CTNNA3: variants seen among roughly 807,000 people sequenced by gnomAD.
CTNNA3 encodes catenin alpha 3.
CTNNA3 carries 76 observed loss-of-function variants against 95.7 expected under a neutral mutation model. The observed-to-expected ratio is 0.79, with a 90% CI of 0.66 to 0.96. CTNNA3 has a LOEUF of 0.96. Among genes scored for constraint, CTNNA3 ranks in the 40% least tolerant of loss-of-function variants. CTNNA3 has a pLI of 0.00. For missense variants in CTNNA3, 1,191 were observed against 1,089.8 expected (o/e 1.09, Z -1.31); for synonymous variants, 431 against 374.4 (o/e 1.15, Z -1.74).
intron 7 of CTNNA3, chr10:67,097,442 A>G: frequency 3.1e-6 from 2 of 645,100 alleles, no homozygotes; most frequent in South Asian, 3.7e-5. Flanking sequence ...AGGGGGCATT[A>G]GCGGGATAAT....
At chr10:66,333,421 A>T (rs1001715467) in intron 12 of CTNNA3, among the ~76,000 whole-genome samples, 3 of 151,694 alleles carry the variant, frequency 2.0e-5, no homozygotes, top group African/African-American at 7.3e-5. Context: ...AGATTCTGGT[A>T]TGTTGTGTCT....
At position 66,769,818 on chromosome 10, in the gene CTNNA3, C is replaced by T. The variant is rs115131318; in HGVS notation, c.1129-3402G>A. The stretch of plus-strand genomic sequence containing the variant: ...CTCAGAGATCCTCAAGCTCTCATTG[C>T]CTACAGCAGCAATCTCAATAGCATA... On this transcript the variant is annotated intron_variant, in intron 8 of 17. Transcript: ENST00000433211. 4.6e-3 allele frequency among the ~76,000 whole-genome samples: 703 copies of T among 152,284 alleles called. 5 individuals are homozygous for T. Among genetic ancestry groups the T allele is most frequent in the African/African-American group, 0.017 (686 of 41,556 alleles).
intron 5 of CTNNA3, among the ~76,000 whole-genome samples, chr10:67,377,064 C>T (rs1012371128): frequency 6.6e-6 from 1 of 152,198 alleles, no homozygotes; most frequent in African/African-American, 2.4e-5. Context: ...GATAAAAGTG[C>T]TCTCTTCCTC....
intron 7 of CTNNA3, among the ~76,000 whole-genome samples, chr10:66,891,547 TA>T (rs371146311): frequency 2.4e-3 from 366 of 152,296 alleles, no homozygotes; most frequent in African/African-American, 8.3e-3. Flanking sequence ...TGTTTTATCC[TA>T]AAAAAACTAG....
chr10:67,222,628 A>T (rs1295563783), intron 5 of CTNNA3, among the ~76,000 whole-genome samples: 1 of 152,266 alleles, frequency 6.6e-6, no homozygotes, highest in East Asian at 1.9e-4. Context: ...ACCTACAGTC[A>T]TCAGTGTAAC....
chr10:66,001,474 A>G (rs577746705), intron 15 of CTNNA3, among the ~76,000 whole-genome samples: 7 of 152,296 alleles, frequency 4.6e-5, no homozygotes, highest in Non-Finnish European at 8.8e-5. Flanking sequence ...TGAAATGAAT[A>G]CAGACTTGAA....
chr10:66,422,791 G>A (rs1379381493), intron 11 of CTNNA3, among the ~76,000 whole-genome samples: 4 of 151,578 alleles, frequency 2.6e-5, no homozygotes, highest in African/African-American at 9.7e-5. Context: ...CACCACACCT[G>A]GTTAATTTTT....
chr10:67,127,152 T>G (rs76479970), intron 7 of CTNNA3, among the ~76,000 whole-genome samples: 1,669 of 152,286 alleles, frequency 0.011, 28 homozygotes, highest in African/African-American at 0.038. Flanking sequence ...TATTTAGATT[T>G]TAACCCATGT....
intron 9 of CTNNA3, among the ~76,000 whole-genome samples, chr10:66,698,886 C>T (rs1324437429): frequency 6.6e-6 from 1 of 152,134 alleles, no homozygotes; most frequent in East Asian, 1.9e-4. Context: ...CTGAGAATAT[C>T]AAGATATGAG....
intron 11 of CTNNA3, among the ~76,000 whole-genome samples, chr10:66,502,418 A>G (rs1840306831): frequency 6.6e-6 from 1 of 152,132 alleles, no homozygotes; most frequent in Non-Finnish European, 1.5e-5. Context: ...ATAGAAAATA[A>G]TCTATCTACC....
At chr10:66,503,758 C>T (rs547117206) in intron 11 of CTNNA3, among the ~76,000 whole-genome samples, 3 of 152,184 alleles carry the variant, frequency 2.0e-5, no homozygotes, top group South Asian at 2.1e-4. Flanking sequence ...TGAGCCATTG[C>T]GCCTGGCCCA....
intron 9 of CTNNA3, among the ~76,000 whole-genome samples, chr10:66,690,893 G>A (rs1286186147): frequency 1.3e-5 from 2 of 152,148 alleles, no homozygotes; most frequent in Non-Finnish European, 2.9e-5. Context: ...CTGAGGAATT[G>A]CCACACTGAC....
intron 12 of CTNNA3, among the ~76,000 whole-genome samples, chr10:66,339,202 C>A (rs1049987417): frequency 1.3e-5 from 2 of 151,828 alleles, no homozygotes; most frequent in African/African-American, 4.8e-5. Flanking sequence ...TAAAATTAAT[C>A]TCTGTTATTA....
intron 5 of CTNNA3, among the ~76,000 whole-genome samples, chr10:67,478,928 A>G (rs539613697): frequency 6.6e-6 from 1 of 152,180 alleles, no homozygotes; most frequent in Non-Finnish European, 1.5e-5. Flanking sequence ...GAAAAGATCT[A>G]TCATGTAAAC....
intron 15 of CTNNA3, among the ~76,000 whole-genome samples, chr10:66,067,363 C>T (rs2080334472): frequency 6.6e-6 from 1 of 152,130 alleles, no homozygotes; most frequent in South Asian, 2.1e-4. Context: ...AAAATCTAGA[C>T]AGACAGGCCT....
chr10:66,403,728 C>T lies in CTNNA3; in HGVS notation c.1532-24376G>A, dbSNP rs76854062. ...TTTGCAAGACAGCTACTGTACAATC[C>T]GCTTCATTAATAAACTGCCCTTGCA... On this transcript the variant is annotated intron_variant, in intron 11 of 17. Coordinates refer to ENST00000433211, the MANE Select transcript of CTNNA3 (RefSeq NM_013266.4). Among the ~76,000 whole-genome samples the T allele has an allele frequency of 2.8e-3, 421 of 152,196 alleles. 3 individuals are homozygous for T. The highest frequency in any genetic ancestry group is 9.3e-3 in the African/African-American group (387 of 41,534).
chr10:67,218,534 C>T (rs1254730355), intron 6 of CTNNA3, among the ~76,000 whole-genome samples: 1 of 152,150 alleles, frequency 6.6e-6, no homozygotes, highest in Admixed American at 6.5e-5. Context: ...TCTATCCAGT[C>T]CCGCTCCTTC....
chr10:66,014,101 C>T (rs571506584), intron 15 of CTNNA3, among the ~76,000 whole-genome samples: 15 of 144,522 alleles, frequency 1.0e-4, no homozygotes, highest in African/African-American at 2.8e-4. Context: ...TTTCATTATA[C>T]GCATAATTTT....
At chr10:66,562,486 CT>C (rs1309112976) in intron 10 of CTNNA3, among the ~76,000 whole-genome samples, 1 of 151,972 alleles carries the variant, frequency 6.6e-6, no homozygotes, top group Non-Finnish European at 1.5e-5. Flanking sequence ...CTCCTCTATC[CT>C]TTACTCTTTG....
Sources: allele counts gnomAD v4.1 joint callset (sites outside exome capture counted in the v4.1 genomes callset), GRCh38; gene constraint gnomAD v4.1.1; transcripts MANE v1.5; gene names NCBI Gene and HGNC (gene_info 2026-07-23, HGNC 2026-07-21).